The following PIR variants were observed in gnomAD, a reference collection of about 807,000 sequenced individuals.
PIR encodes pirin.
Under a neutral mutation model 24.2 loss-of-function variants are expected in PIR, and 22 were observed. The ratio of observed to expected loss-of-function variants is 0.91; its 90% CI spans 0.65 to 1.30. The LOEUF (loss-of-function observed/expected upper bound fraction) is 1.30, where lower values mean the gene tolerates loss of function less well. Ranked by LOEUF, PIR falls within the 50% of genes most tolerant of loss-of-function variation. The probability of loss-of-function intolerance (pLI) is 0.00; values close to 1 mark genes in which losing one functional copy is unlikely to be tolerated. For missense variants in PIR, 220 were observed against 220.3 expected (o/e 1.00, Z 0.01); for synonymous variants, 80 against 79.6 (o/e 1.00, Z -0.03).
Position 15,455,336 on chromosome X carries a change from C to G in PIR, c.480+512G>C, listed in dbSNP as rs183914865. ...TCCCAGTTGAAAAGAATGTACAGGG[C>G]ATGTCGTGTATGGGTTGGACAAATT... On this transcript the variant is annotated intron_variant, in intron 5 of 9. Transcript: ENST00000380420. 7.1e-5 allele frequency among the ~76,000 whole-genome samples: 8 copies of G among 112,687 alleles called. No individual in the cohort carries two copies. In the East Asian group the frequency reaches 2.2e-3, roughly 31 times the overall value.
At chrX:15,445,648 G>C (rs1409268384) in intron 5 of PIR, among the ~76,000 whole-genome samples, 2 of 110,686 alleles carry the variant, frequency 1.8e-5, no homozygotes, top group African/African-American at 3.3e-5. Context: ...ATCTTAATCA[G>C]TCCATATTGT....
At chrX:15,409,269 T>TTTTTTTG (rs1201075915) in intron 6 of PIR, among the ~76,000 whole-genome samples, 2 of 41,712 alleles carry the variant, frequency 4.8e-5, no homozygotes, top group African/African-American at 2.8e-4. Context: ...CAGCTAATTT[T>TTTTTTTG]TGTATTTTTA....
chrX:15,390,448 A>G (rs1289965920), intron 8 of PIR, among the ~76,000 whole-genome samples, 197 bp from the exon 9 acceptor site: 1 of 111,693 alleles, frequency 9.0e-6, no homozygotes, highest in African/African-American at 3.2e-5. Context: ...GTAGAACTCA[A>G]GAATAAGTCC....
intron 5 of PIR, among the ~76,000 whole-genome samples, chrX:15,444,597 GT>G (rs1251629013): frequency 9.0e-6 from 1 of 111,206 alleles, no homozygotes; most frequent in African/African-American, 3.3e-5. Context: ...CAATAAACGG[GT>G]CTGCTTTTGT....
At chrX:15,423,545 G>A (rs2147029954) in intron 6 of PIR, among the ~76,000 whole-genome samples, 1 of 110,893 alleles carries the variant, frequency 9.0e-6, no homozygotes, top group African/African-American at 3.3e-5. Context: ...CAGCCCAGGA[G>A]GTGGAGGTTG....
intron 3 of PIR, among the ~76,000 whole-genome samples, chrX:15,470,382 T>C (rs905461259): frequency 5.4e-5 from 6 of 111,649 alleles, no homozygotes; most frequent in Non-Finnish European, 1.1e-4. Flanking sequence ...AGTCTGTTGA[T>C]TGGATGACTC....
chrX:15,471,614 G>A (rs1009057900), intron 3 of PIR, among the ~76,000 whole-genome samples: 7 of 110,959 alleles, frequency 6.3e-5, no homozygotes, highest in East Asian at 2.8e-4. Flanking sequence ...TCCCCATACC[G>A]CGACTTTCAC....
intron 1 of PIR, among the ~76,000 whole-genome samples, 187 bp from the exon 2 acceptor site, chrX:15,491,496 C>A (rs763511235): frequency 2.3e-4 from 26 of 111,879 alleles, no homozygotes; most frequent in Admixed American, 3.8e-4. Context: ...TGTATGCATA[C>A]CTACTAGGTG....
At chrX:15,472,225 A>G (rs1176305436) in intron 3 of PIR, among the ~76,000 whole-genome samples, 1 of 112,335 alleles carries the variant, frequency 8.9e-6, no homozygotes, top group Non-Finnish European at 1.9e-5. Context: ...ATTAACAAAT[A>G]CAACTGAACA....
intron 8 of PIR, among the ~76,000 whole-genome samples, chrX:15,396,383 T>C (rs772656447): frequency 2.1e-4 from 23 of 112,028 alleles, no homozygotes; most frequent in Non-Finnish European, 4.1e-4. Context: ...AAATCCACTG[T>C]GTTCTATAAC....
intron 8 of PIR, among the ~76,000 whole-genome samples, chrX:15,393,048 C>G (rs1007407870): frequency 1.8e-5 from 2 of 111,846 alleles, no homozygotes; most frequent in Non-Finnish European, 1.9e-5. Context: ...AAACCCAAGT[C>G]CTTGCATGGT....
chrX:15,469,625 T>A (rs1460903385), intron 3 of PIR, among the ~76,000 whole-genome samples: 2 of 110,494 alleles, frequency 1.8e-5, no homozygotes, highest in East Asian at 5.6e-4. Context: ...AAGAAGAAAT[T>A]TGGGGGAAAA....
intron 5 of PIR, among the ~76,000 whole-genome samples, chrX:15,448,878 G>A (rs1000999743): frequency 1.8e-5 from 2 of 111,983 alleles, no homozygotes; most frequent in African/African-American, 6.5e-5. Flanking sequence ...TATTTCCTGT[G>A]TCACATTATA....
chrX:15,409,873 C>A (rs1167490353), intron 6 of PIR, among the ~76,000 whole-genome samples: 1 of 111,465 alleles, frequency 9.0e-6, no homozygotes, highest in African/African-American at 3.3e-5. Context: ...CATTCCTACC[C>A]TGACATAAAT....
At chrX:15,431,673 C>T (rs1297291656) in intron 5 of PIR, among the ~76,000 whole-genome samples, 1 of 96,525 alleles carries the variant, frequency 1.0e-5, no homozygotes, top group South Asian at 4.7e-4. Context: ...AAATAACCAC[C>T]CCCCCCCCGA....
At chrX:15,485,838 CAT>C (rs905903282) in intron 2 of PIR, among the ~76,000 whole-genome samples, 8 of 112,353 alleles carry the variant, frequency 7.1e-5, no homozygotes, top group African/African-American at 9.7e-5. Flanking sequence ...GTAAAATAAA[CAT>C]GTGTTATCGG....
At chrX:15,486,592 C>T (rs140311200) in intron 2 of PIR, among the ~76,000 whole-genome samples, 361 of 111,719 alleles carry the variant, frequency 3.2e-3, no homozygotes, top group African/African-American at 0.011. Flanking sequence ...CTAGCTACAA[C>T]GTAGAAGTTG....
chrX:15,409,229 G>A (rs1222899614), intron 6 of PIR, among the ~76,000 whole-genome samples: 1 of 103,349 alleles, frequency 9.7e-6, no homozygotes, highest in Non-Finnish European at 2.0e-5. Flanking sequence ...CTCCCGAGTA[G>A]CTGGGACTAC....
At chrX:15,432,007 G>T (rs1396841247) in intron 5 of PIR, among the ~76,000 whole-genome samples, 1 of 109,725 alleles carries the variant, frequency 9.1e-6, no homozygotes, top group Non-Finnish European at 1.9e-5. Context: ...CTATTAGTTT[G>T]GGTGATATTA....
Sources: allele counts gnomAD v4.1 joint callset (sites outside exome capture counted in the v4.1 genomes callset), GRCh38; gene constraint gnomAD v4.1.1; transcripts MANE v1.5; gene names NCBI Gene and HGNC (gene_info 2026-07-23, HGNC 2026-07-21).